Variants in BIRC6 observed in about 807,000 individuals in gnomAD.
The protein encoded by BIRC6 is baculoviral IAP repeat containing 6, also known as dual E2 ubiquitin-conjugating enzyme/E3 ubiquitin-protein ligase BIRC6.
Under a neutral mutation model 503.3 loss-of-function variants are expected in BIRC6, and 98 were observed. The observed-to-expected ratio is 0.19, with a 90% confidence interval of 0.17 to 0.23. The LOEUF is 0.23. Among genes scored for constraint, BIRC6 ranks in the 10% least tolerant of loss-of-function variants. BIRC6 has a pLI of 1.00. For missense variants in BIRC6, 5,360 were observed against 5,806.0 expected (o/e 0.92, Z 2.50); for synonymous variants, 2,240 against 2,078.7 (o/e 1.08, Z -2.11).
intron 8 of BIRC6, among the ~76,000 whole-genome samples, chr2:32,402,098 A>G (rs1487369521): frequency 1.3e-5 from 2 of 152,120 alleles, no homozygotes; most frequent in African/African-American, 4.8e-5. Context: ...ACAGTGTACC[A>G]GTAGTCAGCA....
Position 32,468,521 on chromosome 2 carries a change from C to T in BIRC6, c.5865C>T (p.Tyr1955=). 4 of 1,613,956 alleles carry T rather than the reference C, an allele frequency of 2.5e-6. No individual in the cohort carries two copies. Among genetic ancestry groups the T allele is most frequent in the Non-Finnish European group, 3.4e-6 (4 of 1,179,868 alleles). ...PPLNSANNAQ[Y]FLRKPDKAVE... Reference sequence around the variant, plus strand: ...TAAACAGTGCTAACAATGCACAGTACTTTTTACGAAAACCAGATAAGGCAG... The same window carrying T: ...TAAACAGTGCTAACAATGCACAGTATTTTTTACGAAAACCAGATAAGGCAG... Residue 1955 remains tyrosine, a synonymous_variant, in exon 29 of 74, where the codon TAC becomes TAT. Transcript: ENST00000421745.
In BIRC6 at chr2:32,409,836, C is replaced by T. The variant is rs1041914578; in HGVS notation, c.1477+3279C>T. On this transcript the variant is annotated intron_variant, in intron 9 of 73. Coordinates refer to ENST00000421745, the MANE Select transcript of BIRC6 (RefSeq NM_016252.4). Reference sequence around the variant, plus strand: ...TTTGTGTAAAAATTTATTTTTTGGCCTAGTAGGTTTTAGAAATTCTGAAAT... The same window carrying T: ...TTTGTGTAAAAATTTATTTTTTGGCTTAGTAGGTTTTAGAAATTCTGAAAT... Among the ~76,000 whole-genome samples the T allele has an allele frequency of 5.3e-4, 80 of 152,132 alleles. 1 individual carries two copies. The highest frequency in any genetic ancestry group is 1.9e-3 in the African/African-American group (77 of 41,496).
At chr2:32,467,493 T>C in intron 26 of BIRC6, 32 bp from the exon 27 acceptor site, 1 of 1,557,520 alleles carries the variant, frequency 6.4e-7, no homozygotes, top group Non-Finnish European at 8.8e-7. Context: ...ATTGATATAT[T>C]TTTGGTCAAC....
At chr2:32,461,002 CTTCTCTTCTCTTCTCTTCTCT>C (rs2047843534) in intron 23 of BIRC6, among the ~76,000 whole-genome samples, 2 of 21,752 alleles carry the variant, frequency 9.2e-5, no homozygotes, top group Non-Finnish European at 2.0e-4. Flanking sequence ...GCTCTGCTCT[CTTCTCTTCTCTTCTCTTCTCT>C]TCTCTTCTCT....
At chr2:32,547,316 A>G (rs1187087298) in intron 63 of BIRC6, among the ~76,000 whole-genome samples, 2 of 151,960 alleles carry the variant, frequency 1.3e-5, no homozygotes, top group Non-Finnish European at 2.9e-5. Flanking sequence ...GTATTTATTT[A>G]TGTGTTTATT....
In BIRC6 at chr2:32,357,947, C is replaced by G. The variant is rs992317162; in HGVS notation, c.325+461C>G. On this transcript the variant is annotated intron_variant, in intron 1 of 73. Transcript: ENST00000421745. This position sits in a 1 kb window ranked among gnomAD's most constrained non-coding sequence, Gnocchi z 4.9. ...GTCTGAGCCGGCAACCAAGCCCTCC[C>G]TTGTGGGAGAGGAGCCGGCAGTCTG... Among the ~76,000 whole-genome samples, 1 of 151,596 alleles carries G rather than the reference C, an allele frequency of 6.6e-6. No individual in the cohort carries two copies. Among genetic ancestry groups the G allele is most frequent in the Non-Finnish European group, 1.5e-5 (1 of 67,912 alleles).
rs754814584 is a variant in BIRC6 at position 32,416,171 on chromosome 2, G to A, written c.2872+8G>A. 6.4e-7 allele frequency: 1 copy of A among 1,571,566 alleles called. No homozygotes were observed. The highest frequency in any genetic ancestry group is 1.2e-5 in the South Asian group (1 of 84,080). ...TGTGTGCATGCACCAAAGGTAAGTTGTCTGATTATGCTATAAATCTTATAA... is the reference window on the plus strand; with the variant it reads ...TGTGTGCATGCACCAAAGGTAAGTTATCTGATTATGCTATAAATCTTATAA... On this transcript the variant is annotated splice_region_variant and intron_variant, in intron 10 of 73. Transcript: ENST00000421745.
rs138293804 is a variant in BIRC6, at chr2:32,482,092, A to G, written c.7543-337A>G. On this transcript the variant is annotated intron_variant, in intron 38 of 73. Coordinates refer to ENST00000421745, the MANE Select transcript of BIRC6 (RefSeq NM_016252.4). The stretch of plus-strand genomic sequence containing the variant: ...TCTAAACTTCATCCGAGCTGTGTTC[A>G]TTGCAGAGTCTACTTGTATGTTAGC... Among the ~76,000 whole-genome samples, 653 of 152,278 alleles carry G rather than the reference A, an allele frequency of 4.3e-3. 4 individuals are homozygous for G. The highest frequency in any genetic ancestry group is 0.024 in the Admixed American group (364 of 15,294).
intron 26 of BIRC6, among the ~76,000 whole-genome samples, chr2:32,466,205 C>T (rs1263818298): frequency 6.6e-6 from 1 of 152,082 alleles, no homozygotes; most frequent in Non-Finnish European, 1.5e-5. Context: ...TGTTTTCCTT[C>T]ACTATAAAAT....
intron 26 of BIRC6, among the ~76,000 whole-genome samples, chr2:32,466,954 C>A (rs1428949625): frequency 1.3e-5 from 2 of 151,946 alleles, no homozygotes; most frequent in African/African-American, 4.8e-5. Context: ...CCTGTCTCTA[C>A]TAAAACTACA....
intron 65 of BIRC6, among the ~76,000 whole-genome samples, chr2:32,571,995 T>A (rs1451751370): frequency 6.6e-6 from 1 of 152,256 alleles, no homozygotes; most frequent in Non-Finnish European, 1.5e-5. Context: ...GATCATTCAG[T>A]ATCATGCTGT....
intron 9 of BIRC6, among the ~76,000 whole-genome samples, chr2:32,414,509 A>C (rs978933302): frequency 6.6e-6 from 1 of 152,096 alleles, no homozygotes; most frequent in Non-Finnish European, 1.5e-5. Context: ...TCTACTAAAA[A>C]TAGAAAAATT....
At chr2:32,423,606 C>T (rs2043167592) in intron 10 of BIRC6, among the ~76,000 whole-genome samples, 1 of 152,118 alleles carries the variant, frequency 6.6e-6, no homozygotes, top group South Asian at 2.1e-4. Flanking sequence ...GTTTTTAATG[C>T]TCACCCATGT....
At chr2:32,582,652 C>T (rs1179662982) in intron 66 of BIRC6, among the ~76,000 whole-genome samples, 1 of 151,988 alleles carries the variant, frequency 6.6e-6, no homozygotes, top group Non-Finnish European at 1.5e-5. Flanking sequence ...GTAATCCCAG[C>T]TACCGAGGCA....
chr2:32,609,647 A>G (rs1203383047), intron 72 of BIRC6, among the ~76,000 whole-genome samples: 1 of 151,640 alleles, frequency 6.6e-6, no homozygotes, highest in Non-Finnish European at 1.5e-5. Context: ...TACTGAGTAA[A>G]TTTATATTCC....
intron 65 of BIRC6, among the ~76,000 whole-genome samples, chr2:32,569,672 A>ATT (rs530518111): frequency 2.2e-5 from 3 of 137,464 alleles, no homozygotes; most frequent in Non-Finnish European, 3.2e-5. Flanking sequence ...ACACTTGTTC[A>ATT]TTTTTTTTTT....
chr2:32,549,158 GA>G (rs2058266555), intron 64 of BIRC6, 154 bp from the exon 65 acceptor site: 1 of 512,554 alleles, frequency 2.0e-6, no homozygotes, highest in African/African-American at 2.0e-5. Flanking sequence ...CTTCTCTTTT[GA>G]AAATTTAAAC....
chr2:32,509,636 C>A, intron 51 of BIRC6, 102 bp from the exon 52 acceptor site: 2 of 1,309,112 alleles, frequency 1.5e-6, no homozygotes, highest in Non-Finnish European at 2.1e-6. Flanking sequence ...TTGGTTAATG[C>A]TGTTTATGAA....
intron 39 of BIRC6, among the ~76,000 whole-genome samples, chr2:32,484,563 A>AAAAG (rs1212823951): frequency 1.6e-4 from 24 of 150,930 alleles, no homozygotes; most frequent in East Asian, 1.2e-3. Context: ...AAAAAAAAAA[A>AAAAG]AAAGAAAGAA....
Sources: gnomAD v4.1 joint callset for allele counts (sites outside exome capture counted in the v4.1 genomes callset) on GRCh38, gnomAD v4.1.1 for gene constraint, Gnocchi (gnomAD v3.1) non-coding constraint, MANE v1.5 for transcripts, NCBI Gene and HGNC (gene_info 2026-07-23, HGNC 2026-07-21) for gene names.